The following FHAD1 variants were observed in gnomAD, a reference collection of about 807,000 sequenced individuals.
FHAD1 encodes the protein forkhead-associated domain-containing protein 1.
A neutral mutation model predicts 191.3 loss-of-function variants in FHAD1; 146 were observed. The ratio of observed to expected loss-of-function variants is 0.76; its 90% CI spans 0.67 to 0.88. FHAD1 has a LOEUF of 0.88. FHAD1 is among the 40% of genes least tolerant of loss of function. The pLI is 0.00. For missense variants in FHAD1, 1,635 were observed against 1,785.8 expected (o/e 0.92, Z 1.52); for synonymous variants, 616 against 672.3 (o/e 0.92, Z 1.29).
intron 26 of FHAD1, among the ~76,000 whole-genome samples, chr1:15,371,238 C>T (rs943938199): frequency 1.3e-5 from 2 of 152,210 alleles, no homozygotes; most frequent in African/African-American, 2.4e-5. Context: ...TAGGAGAAGA[C>T]GCACAGGGTC....
At chr1:15,241,687 C>T (rs7530874) in intron 1 of FHAD1, among the ~76,000 whole-genome samples, 2 of 137,184 alleles carry the variant, frequency 1.5e-5, no homozygotes, top group African/African-American at 5.5e-5. Flanking sequence ...ACAAAAAAAA[C>T]CCAGAACGAA....
In FHAD1 at chr1:15,276,003, G is replaced by T. The variant is rs1014271890; in HGVS notation, c.300+3474G>T. ...TGACAGCCATTTCAATAGGAAATGG[G>T]AGGTGGAGGCAGAAGTTAGAGACCC... On this transcript the variant is annotated intron_variant, in intron 3 of 33. Transcript: ENST00000688493. The surrounding 1 kb of genome is among the most constrained non-coding windows in gnomAD (Gnocchi z 4.7). Among the ~76,000 whole-genome samples, 1 of 152,158 alleles carries T rather than the reference G, an allele frequency of 6.6e-6. No homozygotes were observed. Among genetic ancestry groups the T allele is most frequent in the Non-Finnish European group, 1.5e-5 (1 of 68,036 alleles).
At chr1:15,336,718 C>T (rs549217374) in intron 14 of FHAD1, among the ~76,000 whole-genome samples, 25 of 152,346 alleles carry the variant, frequency 1.6e-4, no homozygotes, top group Admixed American at 4.6e-4. Flanking sequence ...GTTGCACCCT[C>T]GGTCTTCATT....
At chr1:15,279,820 G>A (rs1190174672) in intron 3 of FHAD1, among the ~76,000 whole-genome samples, 2 of 152,202 alleles carry the variant, frequency 1.3e-5, no homozygotes, top group Non-Finnish European at 2.9e-5. Flanking sequence ...GAGGGGATGA[G>A]CCCCATTGTG....
At chr1:15,331,521 T>C (rs867545896) in intron 14 of FHAD1, among the ~76,000 whole-genome samples, 1 of 107,882 alleles carries the variant, frequency 9.3e-6, no homozygotes, top group Non-Finnish European at 1.8e-5. Context: ...GATGGATGGA[T>C]GGATGGATGA....
intron 16 of FHAD1, among the ~76,000 whole-genome samples, chr1:15,342,876 G>T (rs1687318838): frequency 6.6e-6 from 1 of 151,988 alleles, no homozygotes; most frequent in Non-Finnish European, 1.5e-5. Flanking sequence ...GCCCAGGCTG[G>T]TCTTGAACTC....
At chr1:15,364,700 C>G (rs535443201) in intron 23 of FHAD1, among the ~76,000 whole-genome samples, 2 of 152,176 alleles carry the variant, frequency 1.3e-5, no homozygotes, top group Non-Finnish European at 2.9e-5. Flanking sequence ...GCATTAATAC[C>G]TGCAAAGACT....
intron 5 of FHAD1, among the ~76,000 whole-genome samples, chr1:15,300,113 G>A (rs532017969): frequency 7.2e-5 from 11 of 152,334 alleles, no homozygotes; most frequent in South Asian, 2.1e-4. Context: ...GAATCACATC[G>A]GGGAATTTTT....
At chr1:15,383,821 C>T in intron 31 of FHAD1, 2 of 426,210 alleles carry the variant, frequency 4.7e-6, no homozygotes, top group Non-Finnish European at 9.5e-6. Flanking sequence ...GGAAACTGCG[C>T]CTCAGAGAGT....
intron 3 of FHAD1, among the ~76,000 whole-genome samples, chr1:15,273,456 C>T (rs748861480): frequency 5.4e-5 from 8 of 149,362 alleles, no homozygotes; most frequent in Non-Finnish European, 8.9e-5. Flanking sequence ...ACATTAAGTG[C>T]ACCCGTCACA....
At chr1:15,389,710 G>A (rs1372255215) in intron 32 of FHAD1, among the ~76,000 whole-genome samples, 1 of 152,106 alleles carries the variant, frequency 6.6e-6, no homozygotes, top group African/African-American at 2.4e-5. Context: ...CTAAAAGACA[G>A]CCTGACTCAC....
chr1:15,320,293 G>A (rs763489222), intron 10 of FHAD1, among the ~76,000 whole-genome samples: 17 of 152,112 alleles, frequency 1.1e-4, no homozygotes, highest in South Asian at 4.1e-4. Context: ...GCAGTTCCAC[G>A]TGCACACTTG....
chr1:15,290,271 A>C (rs1664115143), intron 4 of FHAD1, among the ~76,000 whole-genome samples: 1 of 152,098 alleles, frequency 6.6e-6, no homozygotes, highest in African/African-American at 2.4e-5. Context: ...CCCCCTTGAA[A>C]GCCTCATGGC....
At chr1:15,330,990 G>A (rs1481886336) in intron 14 of FHAD1, among the ~76,000 whole-genome samples, 1 of 152,138 alleles carries the variant, frequency 6.6e-6, no homozygotes, top group African/African-American at 2.4e-5. Context: ...TGGGGATGGA[G>A]AAAGAAGATT....
At chr1:15,257,842 T>C (rs1371901000) in intron 2 of FHAD1, among the ~76,000 whole-genome samples, 4 of 152,320 alleles carry the variant, frequency 2.6e-5, no homozygotes, top group African/African-American at 7.2e-5. Context: ...CATGTTGTTT[T>C]TTTGGGGGGA....
intron 3 of FHAD1, among the ~76,000 whole-genome samples, chr1:15,280,448 G>A (rs1256672604): frequency 1.3e-5 from 2 of 152,078 alleles, no homozygotes; most frequent in Non-Finnish European, 2.9e-5. Flanking sequence ...AATGTCCTCG[G>A]CAAAAACACA....
rs373547991 is a variant in FHAD1, at chr1:15,392,343, T to C, written c.4323+1080T>C. Among the ~76,000 whole-genome samples, 579 of 152,236 alleles carry C rather than the reference T, an allele frequency of 3.8e-3. 6 individuals are homozygous for C. Among genetic ancestry groups the C allele is most frequent in the African/African-American group, 0.012 (507 of 41,550 alleles). On this transcript the variant is annotated intron_variant, in intron 33 of 33. Coordinates refer to ENST00000688493, the MANE Select transcript of FHAD1 (RefSeq NM_001391957.1). ...GTCAGGAGATCGAGACCATCCTGGC[T>C]AACACGGTGAAACCCCGTCTTTACT...
chr1:15,252,805 G>A (rs937114059), intron 2 of FHAD1, among the ~76,000 whole-genome samples: 1 of 152,176 alleles, frequency 6.6e-6, no homozygotes, highest in East Asian at 1.9e-4. Context: ...AATTAGCTGT[G>A]GTTTGGTCCA....
chr1:15,390,416 G>A (rs1297101388), intron 32 of FHAD1, among the ~76,000 whole-genome samples: 1 of 150,916 alleles, frequency 6.6e-6, no homozygotes. Flanking sequence ...GGGAAACTTG[G>A]ATCTGCTGGT....
Sources: gnomAD v4.1 joint callset for allele counts (sites outside exome capture counted in the v4.1 genomes callset) on GRCh38, gnomAD v4.1.1 for gene constraint, Gnocchi (gnomAD v3.1) non-coding constraint, MANE v1.5 for transcripts, NCBI Gene and HGNC (gene_info 2026-07-23, HGNC 2026-07-21) for gene names.